POLA1: variants seen among roughly 807,000 people sequenced by gnomAD.
POLA1 encodes DNA polymerase alpha 1, catalytic subunit, also known as DNA polymerase alpha catalytic subunit.
A neutral mutation model predicts 124.0 loss-of-function variants in POLA1; 15 were observed. The ratio of observed to expected loss-of-function variants is 0.12; its 90% CI spans 0.08 to 0.19. The LOEUF is 0.19. POLA1 is among the 10% of genes least tolerant of loss of function. The probability of loss-of-function intolerance (pLI) is 1.00; values close to 1 mark genes in which losing one functional copy is unlikely to be tolerated. For missense variants in POLA1, 886 were observed against 1,103.4 expected, an observed-to-expected ratio of 0.80 and a Z score of 2.79; for synonymous variants, 408 against 389.4, an observed-to-expected ratio of 1.05 and a Z score of -0.56.
intron 36 of POLA1, among the ~76,000 whole-genome samples, chrX:24,976,808 G>A (rs1238125715): frequency 8.9e-6 from 1 of 112,102 alleles, no homozygotes; most frequent in Non-Finnish European, 1.9e-5. Flanking sequence ...TTCCACTGCT[G>A]TTTTCAGTAT....
At chrX:24,785,653 G>A (rs1251694172) in intron 26 of POLA1, among the ~76,000 whole-genome samples, 1 of 111,759 alleles carries the variant, frequency 8.9e-6, no homozygotes, top group East Asian at 2.8e-4. Context: ...ATGTTAAAGG[G>A]CAACTGTTTT....
intron 34 of POLA1, among the ~76,000 whole-genome samples, chrX:24,845,344 A>G (rs2046462801): frequency 8.9e-6 from 1 of 111,868 alleles, no homozygotes. Flanking sequence ...CAAAATAGCC[A>G]TATGTCACTC....
intron 36 of POLA1, among the ~76,000 whole-genome samples, chrX:24,980,204 G>A (rs779557746): frequency 5.3e-4 from 59 of 111,599 alleles, no homozygotes; most frequent in African/African-American, 1.8e-3. Context: ...TTCAGGTGAC[G>A]ACTATGCATT....
intron 34 of POLA1, among the ~76,000 whole-genome samples, chrX:24,884,440 T>C (rs1371761751): frequency 1.8e-5 from 2 of 112,347 alleles, no homozygotes; most frequent in African/African-American, 6.5e-5. Flanking sequence ...TAAGTCACCA[T>C]GCCCAGCCTA....
intron 35 of POLA1, among the ~76,000 whole-genome samples, chrX:24,919,820 GTTTTTTT>G (rs1324232190): frequency 0.011 from 314 of 29,569 alleles, 1 homozygote; most frequent in African/African-American, 0.035. Flanking sequence ...TTTTTTTTTT[GTTTTTTT>G]TTTTGTTTTG....
intron 19 of POLA1, among the ~76,000 whole-genome samples, chrX:24,738,700 G>A (rs926728840): frequency 9.0e-6 from 1 of 111,646 alleles, no homozygotes; most frequent in Non-Finnish European, 1.9e-5. Context: ...CATGTATGGA[G>A]GTTTTGGCAG....
At chrX:24,813,634 G>A (rs1276208348) in intron 29 of POLA1, among the ~76,000 whole-genome samples, 2 of 111,201 alleles carry the variant, frequency 1.8e-5, no homozygotes, top group African/African-American at 3.3e-5. Flanking sequence ...CCCAACTTGG[G>A]GAAACCCCGT....
intron 36 of POLA1, among the ~76,000 whole-genome samples, chrX:24,959,775 A>G (rs2048148622): frequency 8.9e-6 from 1 of 111,925 alleles, no homozygotes; most frequent in Non-Finnish European, 1.9e-5. Flanking sequence ...GATGTACTGG[A>G]TTAAATGAAA....
chrX:24,909,551 T>A (rs1175688755), intron 35 of POLA1, among the ~76,000 whole-genome samples: 7 of 110,782 alleles, frequency 6.3e-5, no homozygotes, highest in African/African-American at 9.8e-5. Context: ...GTTGTAGATA[T>A]GTGGCATTAT....
At chrX:24,878,119 A>G (rs1282924810) in intron 34 of POLA1, among the ~76,000 whole-genome samples, 1 of 110,868 alleles carries the variant, frequency 9.0e-6, no homozygotes, top group Admixed American at 9.6e-5. Context: ...GGCCCTTCGA[A>G]ACCATGAAAG....
At position 24,734,779 on chromosome X, in the gene POLA1, C is replaced by T. The variant is rs375996216; in HGVS notation, c.1834-620C>T. Among the ~76,000 whole-genome samples, 27 of 111,039 alleles carry T rather than the reference C, an allele frequency of 2.4e-4. No homozygotes were observed. In the East Asian group the frequency reaches 4.8e-3, roughly 20 times the overall value. Reference sequence around the variant, plus strand: ...TACAGGCTCGTGGCACCACGCCCAGCTAATTTTTGTATTTTTAGTAGAGAC... The same window carrying T: ...TACAGGCTCGTGGCACCACGCCCAGTTAATTTTTGTATTTTTAGTAGAGAC... On this transcript the variant is annotated intron_variant, in intron 17 of 36. Transcript: ENST00000379068.
At chrX:24,906,251 A>G (rs2047364779) in intron 35 of POLA1, among the ~76,000 whole-genome samples, 1 of 112,368 alleles carries the variant, frequency 8.9e-6, no homozygotes, top group Non-Finnish European at 1.9e-5. Context: ...TATGAAACCA[A>G]CATAAATGCC....
chrX:24,938,810 A>G (rs767914861), intron 36 of POLA1, among the ~76,000 whole-genome samples: 1 of 112,513 alleles, frequency 8.9e-6, no homozygotes, highest in African/African-American at 3.2e-5. Flanking sequence ...ACAATGTGAC[A>G]GAAGAGAAAC....
chrX:24,723,249 C>T lies in POLA1; in HGVS notation c.1182C>T (p.Tyr394=), dbSNP rs764281963. 4 of 1,173,336 alleles carry T rather than the reference C, an allele frequency of 3.4e-6. No homozygotes were observed. In the African/African-American group the frequency reaches 5.3e-5, roughly 16 times the overall value. The part of the protein sequence containing the change: ...VMVKNIERTL[Y]FLPREMKIDL... ...TGAAAAATATCGAGCGAACGCTTTA[C>T]TTCCTTCCCCGTGAAATGGTAAACA... is the stretch of plus-strand genomic sequence containing the variant. The change falls in exon 11 of 37, where the codon TAC becomes TAT. Residue 394 remains tyrosine (Y), a synonymous_variant. Coordinates refer to ENST00000379068, the MANE Select transcript of POLA1 (RefSeq NM_001330360.2).
At chrX:24,725,220 AGTCTTGCTCT>A (rs1930464398) in intron 12 of POLA1, among the ~76,000 whole-genome samples, 1 of 78,325 alleles carries the variant, frequency 1.3e-5, no homozygotes, top group East Asian at 4.0e-4. Flanking sequence ...TTTGAGATGG[AGTCTTGCTCT>A]GTTGTCCAGG....
At position 24,952,710 on chromosome X, in the gene POLA1, A is replaced by G. The variant is rs958187112; in HGVS notation, c.4261+22161A>G. On this transcript the variant is annotated intron_variant, in intron 36 of 36. Transcript: ENST00000379068. ...AAATTAATAAATGCAGTTTTTTAGT[A>G]GTTTGTTGTCTTTGGATCTTTGTCT... Among the ~76,000 whole-genome samples the G allele has an allele frequency of 2.7e-5, 3 of 112,261 alleles. No individual in the cohort carries two copies. In the East Asian group the frequency reaches 8.3e-4, roughly 31 times the overall value.
At chrX:24,811,548 A>G (rs963764015) in intron 28 of POLA1, among the ~76,000 whole-genome samples, 1 of 110,916 alleles carries the variant, frequency 9.0e-6, no homozygotes, top group South Asian at 3.8e-4. Context: ...TTGGACTCCC[A>G]AGTGCTGGGA....
intron 34 of POLA1, among the ~76,000 whole-genome samples, chrX:24,881,983 A>T (rs1029550841): frequency 2.7e-5 from 3 of 111,115 alleles, no homozygotes; most frequent in African/African-American, 9.8e-5. Flanking sequence ...ATTTGTTCTT[A>T]ATTGTTTGTG....
At chrX:24,904,003 A>G (rs889674001) in intron 35 of POLA1, among the ~76,000 whole-genome samples, 2 of 105,881 alleles carry the variant, frequency 1.9e-5, no homozygotes, top group African/African-American at 6.9e-5. Flanking sequence ...GGTATGATCA[A>G]GGCACCCTGC....
Sources: gnomAD v4.1 joint callset for allele counts (sites outside exome capture counted in the v4.1 genomes callset) on GRCh38, gnomAD v4.1.1 for gene constraint, MANE v1.5 for transcripts, NCBI Gene and HGNC (gene_info 2026-07-23, HGNC 2026-07-21) for gene names.